SMYD3: variants seen among roughly 807,000 people sequenced by gnomAD.
SMYD3 encodes histone-lysine N-methyltransferase SMYD3.
Under a neutral mutation model 57.7 loss-of-function variants are expected in SMYD3, and 36 were observed. The ratio of observed to expected loss-of-function variants is 0.62; its 90% CI spans 0.48 to 0.82. SMYD3 has a LOEUF of 0.82. SMYD3 is among the 40% of genes least tolerant of loss of function. The pLI, the probability that SMYD3 is intolerant of heterozygous loss-of-function variation, is 0.00. For synonymous variants in SMYD3, 211 were observed against 195.0 expected, an observed-to-expected ratio of 1.08 and a Z score of -0.68; for missense variants, 515 against 538.8, an observed-to-expected ratio of 0.96 and a Z score of 0.44.
At chr1:246,285,607 C>T (rs944035060) in intron 5 of SMYD3, among the ~76,000 whole-genome samples, 1 of 151,794 alleles carries the variant, frequency 6.6e-6, no homozygotes, top group African/African-American at 2.4e-5. Context: ...ACCAAGAACC[C>T]AAAAGCAAAT....
At chr1:245,898,079 T>C (rs1004443475) in intron 8 of SMYD3, among the ~76,000 whole-genome samples, 1 of 152,156 alleles carries the variant, frequency 6.6e-6, no homozygotes, top group Non-Finnish European at 1.5e-5. Context: ...AGTAGTCTTT[T>C]AGGTTTGGCT....
intron 5 of SMYD3, among the ~76,000 whole-genome samples, chr1:246,277,684 C>T (rs150275440): frequency 5.5e-4 from 84 of 152,300 alleles, no homozygotes; most frequent in South Asian, 2.7e-3. Context: ...TACAGACCAC[C>T]GCTCAGTAAT....
chr1:246,103,442 A>G (rs990449713), intron 5 of SMYD3, among the ~76,000 whole-genome samples: 2 of 151,712 alleles, frequency 1.3e-5, no homozygotes, highest in Admixed American at 1.3e-4. Context: ...CCATGTAAAA[A>G]GAAAAAAAAA....
At chr1:246,354,973 A>T (rs2065888062) in intron 2 of SMYD3, 58 bp downstream of exon 2, 5 of 1,515,830 alleles carry the variant, frequency 3.3e-6, no homozygotes, top group Non-Finnish European at 4.6e-6. Context: ...ATAGTGAAGG[A>T]CAAATTTAAG....
intron 5 of SMYD3, among the ~76,000 whole-genome samples, chr1:246,240,052 C>G (rs1020153065): frequency 6.6e-6 from 1 of 152,138 alleles, no homozygotes; most frequent in Non-Finnish European, 1.5e-5. Flanking sequence ...CCTGTTCACT[C>G]TGATAGTAGG....
chr1:246,253,678 T>C (rs2063831807), intron 5 of SMYD3, among the ~76,000 whole-genome samples: 1 of 152,208 alleles, frequency 6.6e-6, no homozygotes, highest in Non-Finnish European at 1.5e-5. Flanking sequence ...TTTACTTCCT[T>C]GGTTGGATGT....
chr1:246,272,726 G>GCA (rs2064246033), intron 5 of SMYD3, among the ~76,000 whole-genome samples: 1 of 152,144 alleles, frequency 6.6e-6, no homozygotes, highest in Admixed American at 6.5e-5. Context: ...GTTCATAAGG[G>GCA]ATACTGGTTT....
chr1:246,414,645 G>T, intron 1 of SMYD3, among the ~76,000 whole-genome samples: 1 of 149,908 alleles, frequency 6.7e-6, no homozygotes, highest in East Asian at 2.0e-4. Flanking sequence ...AAATACATAT[G>T]TAAAAATAAA....
chr1:246,408,463 A>G (rs565943238), intron 1 of SMYD3, among the ~76,000 whole-genome samples: 70 of 152,286 alleles, frequency 4.6e-4, no homozygotes, highest in South Asian at 8.3e-4. Flanking sequence ...ACTGGTCTAC[A>G]GAATAAGCTG....
chr1:246,348,073 T>TACACACATAC lies in SMYD3; in HGVS notation c.228+6957_228+6958insGTATGTGTGT, dbSNP rs140418099. On this transcript the variant is annotated intron_variant, in intron 2 of 11. Transcript: ENST00000490107. ...ATAAAGAAAACGTTATATATATATA[T>TACACACATAC]ATATACACACACACCATCAAATACT... is the stretch of plus-strand genomic sequence containing the variant. Among the ~76,000 whole-genome samples, 12 of 115,586 alleles carry TACACACATAC rather than the reference T, an allele frequency of 1.0e-4. 1 individual carries two copies. Among genetic ancestry groups the TACACACATAC allele is most frequent in the African/African-American group, 4.0e-4 (12 of 29,918 alleles). The allele number at this position is 115,586 out of a possible 152,430, so 75.8% of individuals were successfully genotyped here. A position where few individuals can be genotyped will look rare whatever the true frequency, so the allele number is the denominator to read the frequency against.
chr1:246,496,365 T>C (rs1004707344), intron 1 of SMYD3, among the ~76,000 whole-genome samples: 34 of 152,136 alleles, frequency 2.2e-4, no homozygotes, highest in Non-Finnish European at 4.0e-4. Context: ...ATAAGATGGT[T>C]CATTAACATA....
In SMYD3 at chr1:245,793,105, C is replaced by T. The variant is rs11583273; in HGVS notation, c.1077-28956G>A. On this transcript the variant is annotated intron_variant, in intron 10 of 11. Transcript: ENST00000490107. ...GCGGGTGATCACGAAATCAGGAGAT[C>T]AAGACCATCCTGGCTAACACGGTGA... 1.7e-3 allele frequency among the ~76,000 whole-genome samples: 232 copies of T among 139,612 alleles called. 3 individuals are homozygous for T. Among genetic ancestry groups the T allele is most frequent in the Non-Finnish European group, 1.9e-3 (124 of 64,694 alleles). 91.6% of individuals were successfully genotyped at this position (139,612 alleles called of 152,430 possible).
chr1:246,332,070 C>G (rs577716221), intron 3 of SMYD3, among the ~76,000 whole-genome samples: 1 of 152,332 alleles, frequency 6.6e-6, no homozygotes, highest in South Asian at 2.1e-4. Context: ...CAATTAATAA[C>G]TTTACAATGA....
intron 10 of SMYD3, among the ~76,000 whole-genome samples, chr1:245,854,828 A>C (rs1003626271): frequency 1.3e-5 from 2 of 152,214 alleles, no homozygotes; most frequent in African/African-American, 4.8e-5. Flanking sequence ...GTAACTGGGA[A>C]AGCAGAATAA....
At chr1:246,246,491 T>C (rs746330025) in intron 5 of SMYD3, among the ~76,000 whole-genome samples, 12 of 152,108 alleles carry the variant, frequency 7.9e-5, no homozygotes, top group Non-Finnish European at 1.6e-4. Flanking sequence ...TTATCATAAG[T>C]GGAGTATATT....
chr1:245,882,966 G>A (rs984536932), intron 8 of SMYD3, among the ~76,000 whole-genome samples: 25 of 152,224 alleles, frequency 1.6e-4, no homozygotes, highest in Admixed American at 1.5e-3. Context: ...AGAAAGGGTA[G>A]GCTGTGCTTC....
chr1:246,257,896 A>C (rs757633487), intron 5 of SMYD3, among the ~76,000 whole-genome samples: 1 of 152,194 alleles, frequency 6.6e-6, no homozygotes, highest in Non-Finnish European at 1.5e-5. Context: ...CTGCCTTGTA[A>C]GACGGCTGCC....
At chr1:245,804,664 T>C (rs2048052178) in intron 10 of SMYD3, among the ~76,000 whole-genome samples, 1 of 152,214 alleles carries the variant, frequency 6.6e-6, no homozygotes, top group African/African-American at 2.4e-5. Context: ...ATAAATGAAT[T>C]AGTACCTTAT....
intron 7 of SMYD3, among the ~76,000 whole-genome samples, chr1:245,918,019 T>C (rs1037674651): frequency 6.6e-6 from 1 of 152,176 alleles, no homozygotes; most frequent in South Asian, 2.1e-4. Flanking sequence ...TCTCAAGCTG[T>C]AGGGGTGATG....
Sources: gnomAD v4.1 joint callset for allele counts (sites outside exome capture counted in the v4.1 genomes callset) on GRCh38, gnomAD v4.1.1 for gene constraint, MANE v1.5 for transcripts, NCBI Gene and HGNC (gene_info 2026-07-23, HGNC 2026-07-21) for gene names.